Variants in DLG2 observed in about 807,000 individuals in gnomAD.
The protein encoded by DLG2 is disks large homolog 2.
In DLG2, 45 loss-of-function variants were observed where a neutral mutation model predicts 132.5. The observed-to-expected ratio is 0.34, with a 90% CI of 0.27 to 0.44. DLG2 has a LOEUF of 0.44. Among genes scored for constraint, DLG2 ranks in the 20% least tolerant of loss-of-function variants. The probability of loss-of-function intolerance (pLI) is 1.00; values close to 1 mark genes in which losing one functional copy is unlikely to be tolerated. For missense variants in DLG2, 1,045 were observed against 1,196.9 expected (o/e 0.87, Z 1.87); for synonymous variants, 424 against 419.6 (o/e 1.01, Z -0.13).
intron 7 of DLG2, among the ~76,000 whole-genome samples, chr11:84,321,770 C>T (rs2098406055): frequency 6.6e-6 from 1 of 152,200 alleles, no homozygotes; most frequent in Non-Finnish European, 1.5e-5. Context: ...GTCTTTACTT[C>T]CAACCAGATT....
At position 84,727,415 on chromosome 11, in the gene DLG2, G is replaced by A. The variant is rs528454037; in HGVS notation, c.358-192684C>T. 5.9e-5 allele frequency among the ~76,000 whole-genome samples: 9 copies of A among 152,074 alleles called. No individual in the cohort carries two copies. In the East Asian group the frequency reaches 1.7e-3, roughly 30 times the overall value. On this transcript the variant is annotated intron_variant, in intron 6 of 27. Transcript: ENST00000376104. ...AGATCTGATGGTTTTATATGGTGGTGTTATGTCTGAGGCCTCTGTTCTGTT... is the reference window on the plus strand; with the variant it reads ...AGATCTGATGGTTTTATATGGTGGTATTATGTCTGAGGCCTCTGTTCTGTT...
intron 15 of DLG2, among the ~76,000 whole-genome samples, chr11:83,883,202 A>C: frequency 6.6e-6 from 1 of 151,940 alleles, no homozygotes; most frequent in East Asian, 1.9e-4. Context: ...TCTTTTTTTT[A>C]TATGTGAGGG....
intron 17 of DLG2, among the ~76,000 whole-genome samples, chr11:83,817,232 T>C (rs1405626051): frequency 6.6e-6 from 1 of 152,144 alleles, no homozygotes; most frequent in Non-Finnish European, 1.5e-5. Flanking sequence ...TTAAGAGGGG[T>C]ACCTAACTTG....
chr11:84,292,886 A>T (rs922385021), intron 7 of DLG2, among the ~76,000 whole-genome samples: 6 of 152,190 alleles, frequency 3.9e-5, no homozygotes, highest in Non-Finnish European at 7.3e-5. Context: ...ATAAAATACA[A>T]TAAAACTAAC....
At chr11:84,688,496 C>T (rs2099740044) in intron 6 of DLG2, among the ~76,000 whole-genome samples, 1 of 152,138 alleles carries the variant, frequency 6.6e-6, no homozygotes, top group Non-Finnish European at 1.5e-5. Context: ...CACTGATTTA[C>T]ATAGGTATTG....
intron 6 of DLG2, among the ~76,000 whole-genome samples, chr11:84,679,418 T>C (rs1418374540): frequency 6.6e-6 from 1 of 152,006 alleles, no homozygotes; most frequent in Non-Finnish European, 1.5e-5. Flanking sequence ...TTTCTCAAAG[T>C]TTTTTAGGGT....
intron 7 of DLG2, among the ~76,000 whole-genome samples, chr11:84,265,392 T>C (rs2097607309): frequency 6.6e-6 from 1 of 152,114 alleles, no homozygotes; most frequent in Non-Finnish European, 1.5e-5. Flanking sequence ...GGATGAAACT[T>C]AGGCTCAGAG....
At chr11:84,414,495 T>C (rs984674649) in intron 7 of DLG2, among the ~76,000 whole-genome samples, 10 of 152,196 alleles carry the variant, frequency 6.6e-5, no homozygotes, top group African/African-American at 9.6e-5. Context: ...ATCTTAATAA[T>C]ATACATAGTA....
chr11:85,029,973 C>G (rs2060872149), intron 6 of DLG2, among the ~76,000 whole-genome samples: 1 of 152,108 alleles, frequency 6.6e-6, no homozygotes. Context: ...AAAGAGCGAG[C>G]TGTAACCAAT....
intron 7 of DLG2, among the ~76,000 whole-genome samples, chr11:84,517,030 AAT>A (rs1485024475): frequency 4.7e-4 from 65 of 138,286 alleles, no homozygotes; most frequent in African/African-American, 1.4e-3. Context: ...AAAATAAATA[AAT>A]AAATAAATAA....
chr11:83,900,666 T>C (rs2073153924), intron 15 of DLG2, among the ~76,000 whole-genome samples: 1 of 152,130 alleles, frequency 6.6e-6, no homozygotes. Context: ...TTTCAGAGGA[T>C]ATATGGAAAT....
intron 21 of DLG2, among the ~76,000 whole-genome samples, chr11:83,492,949 G>A (rs954691803): frequency 6.6e-6 from 1 of 151,968 alleles, no homozygotes; most frequent in African/African-American, 2.4e-5. Flanking sequence ...ATGTCATTCT[G>A]CTCGAGATCC....
intron 12 of DLG2, among the ~76,000 whole-genome samples, chr11:83,972,319 A>G (rs561626563): frequency 1.3e-5 from 2 of 152,280 alleles, no homozygotes; most frequent in South Asian, 4.1e-4. Flanking sequence ...AATGGGAATT[A>G]TACTTATTTG....
At chr11:85,436,537 C>T (rs1378677751) in intron 3 of DLG2, among the ~76,000 whole-genome samples, 2 of 152,062 alleles carry the variant, frequency 1.3e-5, no homozygotes, top group Non-Finnish European at 2.9e-5. Context: ...GAAATCAATG[C>T]AGCCAACAAA....
chr11:83,608,656 C>G (rs2059676436), intron 19 of DLG2, among the ~76,000 whole-genome samples: 1 of 151,574 alleles, frequency 6.6e-6, no homozygotes, highest in South Asian at 2.1e-4. Context: ...CTATGTCAAG[C>G]CATCATAAAT....
intron 6 of DLG2, among the ~76,000 whole-genome samples, chr11:84,640,965 C>CAAAAAAAAAAAAAAAACA (rs372969825): frequency 7.2e-6 from 1 of 138,666 alleles, no homozygotes; most frequent in Non-Finnish European, 1.6e-5. Context: ...AAAAAAAAAA[C>CAAAAAAAAAAAAAAAACA]AAAAAAAAAA....
At chr11:85,240,769 C>G (rs1336185204) in intron 4 of DLG2, among the ~76,000 whole-genome samples, 1 of 151,770 alleles carries the variant, frequency 6.6e-6, no homozygotes, top group East Asian at 1.9e-4. Context: ...TCAATACCAA[C>G]CAGTAGCATG....
intron 6 of DLG2, among the ~76,000 whole-genome samples, chr11:84,544,736 C>T (rs2099386187): frequency 6.6e-6 from 1 of 152,100 alleles, no homozygotes. Context: ...GAATGAGATG[C>T]TGTACTCCTG....
intron 6 of DLG2, among the ~76,000 whole-genome samples, chr11:85,055,263 T>C (rs1190516325): frequency 6.6e-6 from 1 of 151,990 alleles, no homozygotes; most frequent in South Asian, 2.1e-4. Context: ...GAGAGAGAAA[T>C]TGAGGGAGAG....
Sources: gnomAD v4.1 joint callset for allele counts (sites outside exome capture counted in the v4.1 genomes callset) on GRCh38, gnomAD v4.1.1 for gene constraint, MANE v1.5 for transcripts, NCBI Gene and HGNC (gene_info 2026-07-23, HGNC 2026-07-21) for gene names.